The following HOMER2 variants were observed in gnomAD, a reference collection of about 807,000 sequenced individuals.
HOMER2 encodes homer protein homolog 2.
Under a neutral mutation model 47.0 loss-of-function variants are expected in HOMER2, and 27 were observed. The ratio of observed to expected loss-of-function variants is 0.57; its 90% CI spans 0.42 to 0.79. HOMER2 has a LOEUF of 0.79. HOMER2 is among the 30% of genes least tolerant of loss of function. The pLI is 0.00. For missense variants in HOMER2, 443 were observed against 435.0 expected (o/e 1.02, Z -0.16); for synonymous variants, 161 against 163.8 (o/e 0.98, Z 0.13).
intron 2 of HOMER2, among the ~76,000 whole-genome samples, chr15:82,890,083 A>G (rs187414216): frequency 0.011 from 1,612 of 152,170 alleles, 7 homozygotes; most frequent in Non-Finnish European, 0.016. Flanking sequence ...GTTGGCTCAC[A>G]CCTGTAATCC....
chr15:82,856,661 G>A (rs939841403), intron 5 of HOMER2, among the ~76,000 whole-genome samples: 1 of 152,210 alleles, frequency 6.6e-6, no homozygotes, highest in African/African-American at 2.4e-5. Context: ...ACAATTGTCT[G>A]ATGAGTAAGA....
At chr15:82,897,113 C>G (rs1252328795) in intron 1 of HOMER2, among the ~76,000 whole-genome samples, 1 of 148,694 alleles carries the variant, frequency 6.7e-6, no homozygotes, top group Admixed American at 6.8e-5. Context: ...GTCGCCCAAG[C>G]TGGAGTGTAG....
chr15:82,838,836 G>A (rs1209641944), exon 2 of HOMER2: 1 of 152,174 alleles, frequency 6.6e-6, no homozygotes, highest in South Asian at 2.1e-4. Flanking sequence ...AAATAGAGAA[G>A]GTCCTATTTC....
At chr15:82,851,363 A>C in intron 7 of HOMER2, 132 bp from the exon 8 acceptor site, 1 of 657,346 alleles carries the variant, frequency 1.5e-6, no homozygotes, top group South Asian at 1.8e-5. Flanking sequence ...AGTGATAGTG[A>C]CCATGCGAAT....
chr15:82,924,468 G>A (rs1292251822), intron 1 of HOMER2, among the ~76,000 whole-genome samples: 1 of 150,552 alleles, frequency 6.6e-6, no homozygotes, highest in Non-Finnish European at 1.5e-5. Flanking sequence ...GCTTGTGTGT[G>A]TAGACTTCTC....
At chr15:82,866,991 G>C (rs1363525318) in intron 3 of HOMER2, among the ~76,000 whole-genome samples, 1 of 152,098 alleles carries the variant, frequency 6.6e-6, no homozygotes, top group Non-Finnish European at 1.5e-5. Context: ...AGAACAAACA[G>C]GTGAGAAATG....
chr15:82,861,718 A>G lies in HOMER2; in HGVS notation c.387+2449T>C, dbSNP rs76865001. On this transcript the variant is annotated intron_variant, in intron 4 of 8. Transcript: ENST00000450735. ...TGTGTGATTACTAATTTTAAAAAGC[A>G]TACAAGGGCCGGGTGCAGTGGCTCA... 2.7e-3 allele frequency among the ~76,000 whole-genome samples: 416 copies of G among 152,296 alleles called. 1 individual carries two copies. Among genetic ancestry groups the G allele is most frequent in the African/African-American group, 9.4e-3 (392 of 41,550 alleles).
chr15:82,900,579 T>C (rs1178414058), intron 1 of HOMER2, among the ~76,000 whole-genome samples: 3 of 152,206 alleles, frequency 2.0e-5, no homozygotes, highest in Admixed American at 1.3e-4. Context: ...TATAAAGTTA[T>C]AGCAAACAAG....
intron 1 of HOMER2, among the ~76,000 whole-genome samples, chr15:82,930,537 T>C (rs551859154): frequency 6.6e-6 from 1 of 152,298 alleles, no homozygotes; most frequent in Admixed American, 6.5e-5. Context: ...CTGCACAGAT[T>C]CTCCAGAAGT....
At chr15:82,869,450 CTTTTTT>C (rs71822678) in intron 3 of HOMER2, among the ~76,000 whole-genome samples, 5 of 70,240 alleles carry the variant, frequency 7.1e-5, no homozygotes, top group Non-Finnish European at 7.4e-5. Flanking sequence ...TACTAAACAT[CTTTTTT>C]TTTTTTTTTT....
chr15:82,876,189 A>G (rs1001771256), intron 2 of HOMER2, among the ~76,000 whole-genome samples: 1 of 152,184 alleles, frequency 6.6e-6, no homozygotes, highest in African/African-American at 2.4e-5. Context: ...CATTGGATAA[A>G]CCCAGCTAGA....
chr15:82,982,818 C>T (rs1435402974), intron 1 of HOMER2, among the ~76,000 whole-genome samples: 1 of 152,152 alleles, frequency 6.6e-6, no homozygotes, highest in Non-Finnish European at 1.5e-5. Context: ...AAGCATTTTT[C>T]TTAGTTTTTC....
chr15:82,954,433 G>A (rs1244457632), upstream of HOMER2, among the ~76,000 whole-genome samples: 1 of 149,542 alleles, frequency 6.7e-6, no homozygotes, highest in Non-Finnish European at 1.5e-5. Context: ...CAGTAGCTGC[G>A]ACTGCAGGCG....
intron 3 of HOMER2, among the ~76,000 whole-genome samples, chr15:82,869,367 T>C (rs985364014): frequency 6.6e-6 from 1 of 151,912 alleles, no homozygotes; most frequent in Non-Finnish European, 1.5e-5. Flanking sequence ...AAATAGATTA[T>C]ATATCTCATT....
At chr15:82,900,690 A>G (rs147528211) in intron 1 of HOMER2, among the ~76,000 whole-genome samples, 1 of 152,338 alleles carries the variant, frequency 6.6e-6, no homozygotes, top group Non-Finnish European at 1.5e-5. Flanking sequence ...AGTATTGCTC[A>G]TTAGTGGAGA....
chr15:82,952,589 G>GCCCGCTCGGCAGCCGCTC lies in HOMER2; in HGVS notation c.-72_-55dup. The GCCCGCTCGGCAGCCGCTC allele has an allele frequency of 8.8e-7, 1 of 1,140,402 alleles. No homozygotes were observed. Among genetic ancestry groups the GCCCGCTCGGCAGCCGCTC allele is most frequent in the Non-Finnish European group, 1.1e-6 (1 of 929,684 alleles). The allele number at this position is 1,140,402 out of a possible 1,614,324, so 70.6% of individuals were successfully genotyped here. A position where few individuals can be genotyped will look rare whatever the true frequency, so the allele number is the denominator to read the frequency against. On this transcript the variant is annotated 5_prime_UTR_variant, in exon 1 of 9. Coordinates refer to ENST00000450735, the MANE Select transcript of HOMER2 (RefSeq NM_004839.4). ...ACGGGGCCTCTCGCGCTCGCTCTCCGCCCGCTCGGCAGCCGCTCCCCGCGC... is the reference window on the plus strand; with the variant it reads ...ACGGGGCCTCTCGCGCTCGCTCTCCGCCCGCTCGGCAGCCGCTCCCCGCTCGGCAGCCGCTCCCCGCGC...
At chr15:82,864,044 AGT>A in intron 4 of HOMER2, 121 bp downstream of exon 4, 1 of 598,406 alleles carries the variant, frequency 1.7e-6, no homozygotes, top group Non-Finnish European at 3.0e-6. Flanking sequence ...TCAGGCTAAT[AGT>A]TGAAAAAGCC....
intron 3 of HOMER2, among the ~76,000 whole-genome samples, chr15:82,866,137 C>T (rs1417062864): frequency 6.6e-6 from 1 of 152,218 alleles, no homozygotes; most frequent in Non-Finnish European, 1.5e-5. Flanking sequence ...AGGAGGGAGC[C>T]TGTACCCTGC....
rs1483477211 is a variant in HOMER2 at position 82,849,976 on chromosome 15, G to A, written c.844-73C>T. 4 of 1,466,932 alleles carry A rather than the reference G, an allele frequency of 2.7e-6. No individual in the cohort carries two copies. In the East Asian group the frequency reaches 6.8e-5, roughly 25 times the overall value. The allele number at this position is 1,466,932 out of a possible 1,614,324, so 90.9% of individuals were successfully genotyped here. A position where few individuals can be genotyped will look rare whatever the true frequency, so the allele number is the denominator to read the frequency against. ...TCATCCTTCAAAACCTGCTACAGCT[G>A]AACCAACCATTCTCCATCCAATCTG... On this transcript the variant is annotated intron_variant, in intron 8 of 8. Transcript: ENST00000450735.
Sources: gnomAD v4.1 joint callset for allele counts (sites outside exome capture counted in the v4.1 genomes callset) on GRCh38, gnomAD v4.1.1 for gene constraint, MANE v1.5 for transcripts, NCBI Gene and HGNC (gene_info 2026-07-23, HGNC 2026-07-21) for gene names.